MYH10: variants seen among roughly 807,000 people sequenced by gnomAD.
MYH10 encodes the protein myosin heavy chain 10, also known as myosin-10.
In MYH10, 55 loss-of-function variants were observed where a neutral mutation model predicts 257.8. The observed-to-expected ratio is 0.21, with a 90% CI of 0.17 to 0.27. The LOEUF is 0.27. Among genes scored for constraint, MYH10 ranks in the 10% least tolerant of loss-of-function variants. The pLI, the probability that MYH10 is intolerant of heterozygous loss-of-function variation, is 1.00. For synonymous variants in MYH10, 854 were observed against 921.7 expected, an observed-to-expected ratio of 0.93 and a Z score of 1.33; for missense variants, 1,631 against 2,500.6, an observed-to-expected ratio of 0.65 and a Z score of 7.42.
chr17:8,510,391 T>G (rs1160878724), intron 24 of MYH10, among the ~76,000 whole-genome samples: 1 of 152,190 alleles, frequency 6.6e-6, no homozygotes, highest in Non-Finnish European at 1.5e-5. Context: ...CGCTACAGGC[T>G]AAAGTACAAA....
At position 8,552,133 on chromosome 17, in the gene MYH10, T is replaced by C; in HGVS notation, c.832A>G (p.Lys278Glu). Residue 278 changes from lysine (K) to glutamate (E), a missense_variant, in exon 9 of 43, where the codon AAG (lysine) becomes GAG (glutamate). Lys to Glu is a moderately conservative substitution (Grantham distance 56, BLOSUM62 1). Transcript: ENST00000360416. This position sits in a 1 kb window ranked among gnomAD's most constrained non-coding sequence, Gnocchi z 4.8. The stretch of plus-strand genomic sequence containing the variant: ...TTTGCTTGACGAACAGCACGAGACT[T>C]TTCCAGAAGGTCTGAGCAAAGACAG... ...GANIETYLLE[K>E]SRAVRQAKDE... 1 of 1,554,978 alleles carries C rather than the reference T, an allele frequency of 6.4e-7. No individual in the cohort carries two copies. Among genetic ancestry groups the C allele is most frequent in the Non-Finnish European group, 8.7e-7 (1 of 1,145,696 alleles).
At chr17:8,501,118 G>A (rs868309338) in intron 28 of MYH10, 148 bp from the exon 29 acceptor site, 39 of 859,562 alleles carry the variant, frequency 4.5e-5, no homozygotes, top group Non-Finnish European at 6.1e-5. Flanking sequence ...AGGCTGGCAG[G>A]TCTATTACTG....
At chr17:8,480,608 T>C in intron 38 of MYH10, 83 bp from the exon 39 acceptor site, 1 of 1,563,162 alleles carries the variant, frequency 6.4e-7, no homozygotes, top group African/African-American at 1.3e-5. Flanking sequence ...CCACCCACCC[T>C]GTTGCTGGAA....
At chr17:8,595,298 G>A (rs183431660) in intron 3 of MYH10, among the ~76,000 whole-genome samples, 3 of 151,982 alleles carry the variant, frequency 2.0e-5, no homozygotes, top group Non-Finnish European at 4.4e-5. Context: ...AAAACTAATC[G>A]CCTTATGAAA....
intron 16 of MYH10, among the ~76,000 whole-genome samples, chr17:8,534,442 T>TC (rs2082086606): frequency 1.3e-5 from 2 of 152,174 alleles, no homozygotes; most frequent in African/African-American, 4.8e-5. Flanking sequence ...CTTAAGATGA[T>TC]CTTTTATAGG....
At chr17:8,530,497 C>A in intron 17 of MYH10, 126 bp downstream of exon 17, 1 of 607,432 alleles carries the variant, frequency 1.6e-6, no homozygotes, top group Non-Finnish European at 2.8e-6. Context: ...AACAGAAACC[C>A]AAAGCCCACC....
chr17:8,492,208 C>T, intron 34 of MYH10, 89 bp downstream of exon 34: 10 of 1,308,594 alleles, frequency 7.6e-6, no homozygotes, highest in Non-Finnish European at 1.1e-5. Context: ...CCTTCAGGCT[C>T]CCCTGAGGAG....
intron 28 of MYH10, among the ~76,000 whole-genome samples, chr17:8,503,351 G>T (rs1162037993): frequency 6.6e-6 from 1 of 151,988 alleles, no homozygotes; most frequent in Non-Finnish European, 1.5e-5. Flanking sequence ...ACCATGCCTG[G>T]CTCAGATGGG....
intron 3 of MYH10, among the ~76,000 whole-genome samples, chr17:8,590,563 C>T (rs1269787222): frequency 3.9e-5 from 6 of 152,122 alleles, no homozygotes; most frequent in Non-Finnish European, 8.8e-5. Context: ...CCACCTGCCT[C>T]GGCCTCCCAC....
chr17:8,475,671 G>A lies in MYH10; in HGVS notation c.*133C>T. 2 of 1,062,136 alleles carry A rather than the reference G, an allele frequency of 1.9e-6. No individual in the cohort carries two copies. Among genetic ancestry groups the A allele is most frequent in the Non-Finnish European group, 2.8e-6 (2 of 726,112 alleles). 65.8% of individuals were successfully genotyped at this position (1,062,136 alleles called of 1,614,324 possible). A position where few individuals can be genotyped will look rare whatever the true frequency, so the allele number is the denominator to read the frequency against. On this transcript the variant is annotated 3_prime_UTR_variant, in exon 43 of 43. Transcript: ENST00000360416. ...CTGAAGCAGGATACAGTATGCATAGGCTGGAGAGCCTTAAGACACAGTTGA... is the reference window on the plus strand; with the variant it reads ...CTGAAGCAGGATACAGTATGCATAGACTGGAGAGCCTTAAGACACAGTTGA...
intron 3 of MYH10, among the ~76,000 whole-genome samples, chr17:8,604,597 ATT>A (rs1042004943): frequency 6.6e-6 from 1 of 152,170 alleles, no homozygotes; most frequent in African/African-American, 2.4e-5. Flanking sequence ...TAACATACAA[ATT>A]TATGAGGTAT....
intron 4 of MYH10, among the ~76,000 whole-genome samples, chr17:8,587,326 C>T (rs1342270934): frequency 6.6e-6 from 1 of 152,096 alleles, no homozygotes. Context: ...ATTTGCTGTT[C>T]AGGAAAAGCT....
chr17:8,588,117 G>GT (rs1344712982), intron 4 of MYH10, among the ~76,000 whole-genome samples: 3 of 151,994 alleles, frequency 2.0e-5, no homozygotes, highest in Non-Finnish European at 4.4e-5. Flanking sequence ...CCTTCTTTGT[G>GT]GTTCTTCCTC....
chr17:8,587,774 T>C (rs2083963645), intron 4 of MYH10, among the ~76,000 whole-genome samples: 1 of 152,194 alleles, frequency 6.6e-6, no homozygotes, highest in Admixed American at 6.5e-5. Context: ...TATTGATCTC[T>C]TACCACCACT....
At chr17:8,621,354 A>G (rs2085461849) in intron 2 of MYH10, among the ~76,000 whole-genome samples, 1 of 152,046 alleles carries the variant, frequency 6.6e-6, no homozygotes, top group South Asian at 2.1e-4. Flanking sequence ...GCCTTGATCC[A>G]TCAGCCCCTC....
Position 8,553,937 on chromosome 17 carries a change from A to G in MYH10, c.820+18T>C. The G allele has an allele frequency of 6.2e-7, 1 of 1,601,284 alleles. No individual in the cohort carries two copies. The highest frequency in any genetic ancestry group is 1.1e-5 in the South Asian group (1 of 90,548). On this transcript the variant is annotated intron_variant, in intron 8 of 42. Coordinates refer to ENST00000360416, the MANE Select transcript of MYH10 (RefSeq NM_001256012.3). ...AATCCTTCTTTATTTTGGATTATACATTTATGAAAAAGGATACATGTTTCA... is the reference window on the plus strand; with the variant it reads ...AATCCTTCTTTATTTTGGATTATACGTTTATGAAAAAGGATACATGTTTCA...
At chr17:8,515,562 A>G (rs1424876198) in intron 21 of MYH10, among the ~76,000 whole-genome samples, 1 of 16,002 alleles carries the variant, frequency 6.2e-5, no homozygotes. Flanking sequence ...TTTTTTTTTG[A>G]GACAGAGTCT....
intron 4 of MYH10, among the ~76,000 whole-genome samples, 161 bp from the exon 5 acceptor site, chr17:8,577,499 T>G (rs1022453419): frequency 4.6e-5 from 7 of 152,126 alleles, no homozygotes; most frequent in Non-Finnish European, 7.4e-5. Context: ...AAGAAAATCA[T>G]CCTTGTAAGA....
intron 35 of MYH10, among the ~76,000 whole-genome samples, chr17:8,488,634 G>A (rs914936736): frequency 6.6e-6 from 1 of 152,194 alleles, no homozygotes; most frequent in African/African-American, 2.4e-5. Context: ...GGCTGGTGTG[G>A]GAGCTGGTAT....
Sources: allele counts gnomAD v4.1 joint callset (sites outside exome capture counted in the v4.1 genomes callset), GRCh38; gene constraint gnomAD v4.1.1; non-coding constraint Gnocchi (gnomAD v3.1); transcripts MANE v1.5; gene names NCBI Gene and HGNC (gene_info 2026-07-23, HGNC 2026-07-21).